ADAMTS6: variants seen among roughly 807,000 people sequenced by gnomAD.
ADAMTS6 encodes the protein ADAM metallopeptidase with thrombospondin type 1 motif 6.
Under a neutral mutation model 144.3 loss-of-function variants are expected in ADAMTS6, and 23 were observed. The observed-to-expected ratio is 0.16, with a 90% CI of 0.11 to 0.23. The LOEUF is 0.23. Ranked by LOEUF, ADAMTS6 falls within the 10% of genes least tolerant of loss-of-function variation. The pLI, the probability that ADAMTS6 is intolerant of heterozygous loss-of-function variation, is 1.00. For synonymous variants in ADAMTS6, 444 were observed against 457.5 expected (o/e 0.97, Z 0.38); for missense variants, 999 against 1,379.6 (o/e 0.72, Z 4.37).
intron 21 of ADAMTS6, among the ~76,000 whole-genome samples, chr5:65,195,158 A>C (rs1299832749): frequency 6.6e-6 from 1 of 152,242 alleles, no homozygotes; most frequent in African/African-American, 2.4e-5. Flanking sequence ...AATATGCTGA[A>C]GTTACTGGAA....
At chr5:65,304,179 T>C (rs200314064) in intron 9 of ADAMTS6, among the ~76,000 whole-genome samples, 1 of 152,204 alleles carries the variant, frequency 6.6e-6, no homozygotes, top group Non-Finnish European at 1.5e-5. Context: ...TATATACTTC[T>C]GTAATCTACA....
At chr5:65,229,078 C>A (rs1757941438) in intron 15 of ADAMTS6, among the ~76,000 whole-genome samples, 1 of 152,160 alleles carries the variant, frequency 6.6e-6, no homozygotes, top group Non-Finnish European at 1.5e-5. Flanking sequence ...GCATTTTATG[C>A]AGACAGCCAA....
chr5:65,228,889 G>A (rs1041925790), intron 15 of ADAMTS6, among the ~76,000 whole-genome samples: 1 of 152,172 alleles, frequency 6.6e-6, no homozygotes, highest in Non-Finnish European at 1.5e-5. Flanking sequence ...AGAGGCCATA[G>A]GCCCAAGTAA....
chr5:65,225,317 A>T (rs1300794912), intron 16 of ADAMTS6, among the ~76,000 whole-genome samples: 1 of 152,222 alleles, frequency 6.6e-6, no homozygotes, highest in African/African-American at 2.4e-5. Flanking sequence ...GAATCATCAG[A>T]TATATTTGCA....
At chr5:65,376,436 G>C (rs952751328) in intron 7 of ADAMTS6, among the ~76,000 whole-genome samples, 1 of 151,500 alleles carries the variant, frequency 6.6e-6, no homozygotes, top group Admixed American at 6.6e-5. Flanking sequence ...GGGAGACAAA[G>C]GGAGACTCCA....
At position 65,188,181 on chromosome 5, in the gene ADAMTS6, A is replaced by G. The variant is rs766014605; in HGVS notation, c.2745T>C (p.Cys915=). 2 of 1,614,076 alleles carry G rather than the reference A, an allele frequency of 1.2e-6. No homozygotes were observed. Among genetic ancestry groups the G allele is most frequent in the South Asian group, 1.1e-5 (1 of 91,082 alleles). ...CTGCCCTTGTGCGCATCCCACCATC[A>G]CAAGTCTTGCTGCATTCCAACCAAT... is the stretch of plus-strand genomic sequence containing the variant. ...IGDWLECSKT[C]DGGMRTRAVL... Residue 915 remains cysteine (C), a synonymous_variant, in exon 22 of 25, where the codon TGT becomes TGC. Transcript: ENST00000381055.
At chr5:65,359,327 T>C (rs1349922943) in intron 7 of ADAMTS6, among the ~76,000 whole-genome samples, 1 of 152,102 alleles carries the variant, frequency 6.6e-6, no homozygotes, top group Non-Finnish European at 1.5e-5. Context: ...TCACTAATCA[T>C]CAGGGAAATG....
chr5:65,241,491 A>G (rs906089438), intron 15 of ADAMTS6, among the ~76,000 whole-genome samples: 3 of 152,064 alleles, frequency 2.0e-5, no homozygotes, highest in African/African-American at 7.2e-5. Flanking sequence ...TCGGCCTCCC[A>G]AAGTGCTGGG....
intron 7 of ADAMTS6, among the ~76,000 whole-genome samples, chr5:65,404,791 T>A (rs1754293227): frequency 6.6e-6 from 1 of 152,186 alleles, no homozygotes; most frequent in South Asian, 2.1e-4. Context: ...TTTCTCCACA[T>A]CCTCTCCAGC....
intron 11 of ADAMTS6, among the ~76,000 whole-genome samples, chr5:65,285,707 A>C (rs1452524639): frequency 2.0e-5 from 3 of 152,108 alleles, no homozygotes; most frequent in Non-Finnish European, 4.4e-5. Context: ...ATAAATGTTA[A>C]GGAAAATGAT....
Position 65,260,633 on chromosome 5 carries a change from C to T in ADAMTS6, c.1797G>A (p.Gly599=). The change falls in exon 14 of 25, where the codon GGG becomes GGA. Residue 599 remains glycine, a synonymous_variant. Transcript: ENST00000381055. ...TACAGGAGCGATACCGTTTCCTTTC[C>T]CCAAGGCAATATTTTCCACCTCCTG... is the stretch of plus-strand genomic sequence containing the variant. ...APSGGGKYCL[G]ERKRYRSCNT... is the part of the protein sequence containing the mutation. The T allele has an allele frequency of 1.9e-6, 3 of 1,613,382 alleles. No homozygotes were observed. The highest frequency in any genetic ancestry group is 2.2e-5 in the East Asian group (1 of 44,768).
At chr5:65,375,777 T>C (rs1240582384) in intron 7 of ADAMTS6, among the ~76,000 whole-genome samples, 2 of 152,144 alleles carry the variant, frequency 1.3e-5, no homozygotes, top group Non-Finnish European at 1.5e-5. Flanking sequence ...ACCCAAAGGA[T>C]TATAAATCAT....
At chr5:65,373,140 C>G (rs936477656) in intron 7 of ADAMTS6, among the ~76,000 whole-genome samples, 59 of 150,890 alleles carry the variant, frequency 3.9e-4, no homozygotes, top group East Asian at 1.4e-3. Context: ...CACTAAATGC[C>G]CACAAGAGAA....
intron 21 of ADAMTS6, among the ~76,000 whole-genome samples, chr5:65,192,708 C>G (rs1338667797): frequency 1.3e-5 from 2 of 149,910 alleles, no homozygotes; most frequent in Non-Finnish European, 1.5e-5. Context: ...TACTTTCATT[C>G]ATAGTCACTT....
intron 11 of ADAMTS6, among the ~76,000 whole-genome samples, chr5:65,281,668 A>C (rs113648172): frequency 1.3e-5 from 2 of 152,094 alleles, no homozygotes; most frequent in Non-Finnish European, 2.9e-5. Flanking sequence ...GAAATGAACA[A>C]CACTATTTGT....
At position 65,149,940 on chromosome 5, in the gene ADAMTS6, G is replaced by A. The variant is rs1402872724; in HGVS notation, c.*1896C>T. 1 of 152,514 alleles carries A rather than the reference G, an allele frequency of 6.6e-6. No individual in the cohort carries two copies. Among genetic ancestry groups the A allele is most frequent in the African/African-American group, 2.4e-5 (1 of 41,432 alleles). 9.4% of individuals were successfully genotyped at this position (152,514 alleles called of 1,614,324 possible). A position where few individuals can be genotyped will look rare whatever the true frequency, so the allele number is the denominator to read the frequency against. On this transcript the variant is annotated 3_prime_UTR_variant, in exon 25 of 25. Transcript: ENST00000381055. ...AATAGCTCTCTCTGGAAGGCTCAGGGTTGAGAACTGTGGTGTTGAGAGAGA... is the reference window on the plus strand; with the variant it reads ...AATAGCTCTCTCTGGAAGGCTCAGGATTGAGAACTGTGGTGTTGAGAGAGA...
chr5:65,215,732 T>C (rs1211961673), intron 18 of ADAMTS6, among the ~76,000 whole-genome samples: 2 of 152,076 alleles, frequency 1.3e-5, no homozygotes, highest in African/African-American at 2.4e-5. Context: ...AATAAACATG[T>C]GGAAGTAACA....
chr5:65,470,050 C>A (rs1282512579), intron 3 of ADAMTS6, among the ~76,000 whole-genome samples: 1 of 152,092 alleles, frequency 6.6e-6, no homozygotes, highest in Non-Finnish European at 1.5e-5. Context: ...CCAGGATAAA[C>A]CCTGTAGTCT....
intron 11 of ADAMTS6, among the ~76,000 whole-genome samples, chr5:65,279,325 AT>A (rs899693547): frequency 1.2e-4 from 18 of 151,364 alleles, no homozygotes; most frequent in African/African-American, 4.4e-4. Context: ...TTATTTATTT[AT>A]TTTTTTGTGA....
Sources: allele counts gnomAD v4.1 joint callset (sites outside exome capture counted in the v4.1 genomes callset), GRCh38; gene constraint gnomAD v4.1.1; transcripts MANE v1.5; gene names NCBI Gene and HGNC (gene_info 2026-07-23, HGNC 2026-07-21).